The following UBE2J2 variants were observed in gnomAD, a reference collection of about 807,000 sequenced individuals.
The protein encoded by UBE2J2 is ubiquitin conjugating enzyme E2 J2, also known as ubiquitin-conjugating enzyme E2 J2.
UBE2J2 carries 5 observed loss-of-function variants against 28.6 expected under a neutral mutation model. The observed-to-expected ratio is 0.17, with a 90% CI of 0.09 to 0.37. The LOEUF (loss-of-function observed/expected upper bound fraction) is 0.37, where lower values mean the gene tolerates loss of function less well. Ranked by LOEUF, UBE2J2 falls within the 10% of genes least tolerant of loss-of-function variation. UBE2J2 has a pLI of 1.00. For synonymous variants in UBE2J2, 138 were observed against 139.7 expected, an observed-to-expected ratio of 0.99 and a Z score of 0.09; for missense variants, 226 against 338.9, an observed-to-expected ratio of 0.67 and a Z score of 2.62.
In UBE2J2 at chr1:1,255,158, G is replaced by A; in HGVS notation, c.*45C>T. The A allele has an allele frequency of 6.5e-7, 1 of 1,535,014 alleles. No homozygotes were observed. The highest frequency in any genetic ancestry group is 8.8e-7 in the Non-Finnish European group (1 of 1,135,610). On this transcript the variant is annotated 3_prime_UTR_variant, in exon 7 of 7. Coordinates refer to ENST00000349431, the MANE Select transcript of UBE2J2 (RefSeq NM_058167.3). ...TCCAGCCTGCCGAGGTCACGCTCTG[G>A]TGCGCGGTGCCCTCAGTGGCGCCTT... is the stretch of plus-strand genomic sequence containing the variant.
intron 2 of UBE2J2, among the ~76,000 whole-genome samples, chr1:1,264,183 C>A (rs1350387768): frequency 6.6e-6 from 1 of 152,146 alleles, no homozygotes; most frequent in African/African-American, 2.4e-5. Context: ...GCAGAAGGAA[C>A]AGGAACTGCC....
intron 1 of UBE2J2, among the ~76,000 whole-genome samples, chr1:1,270,599 T>C (rs1640099262): frequency 6.6e-6 from 1 of 152,118 alleles, no homozygotes; most frequent in African/African-American, 2.4e-5. Flanking sequence ...ATGTCATCAC[T>C]TCTCCCATCA....
intron 3 of UBE2J2, 110 bp downstream of exon 3, chr1:1,263,236 C>T (rs1639664601): frequency 2.0e-6 from 2 of 1,013,850 alleles, no homozygotes; most frequent in Non-Finnish European, 3.1e-6. Flanking sequence ...AACTAGCACA[C>T]ATCCAAAGTA....
At chr1:1,260,097 A>G (rs909493920) in intron 3 of UBE2J2, among the ~76,000 whole-genome samples, 2 of 152,164 alleles carry the variant, frequency 1.3e-5, no homozygotes, top group Admixed American at 6.5e-5. Flanking sequence ...CACTCTGCTC[A>G]GGGCTGGCAT....
intron 2 of UBE2J2, among the ~76,000 whole-genome samples, chr1:1,265,648 T>TGTGTGG (rs1491248047): frequency 2.7e-5 from 4 of 147,106 alleles, no homozygotes; most frequent in Non-Finnish European, 4.5e-5. Context: ...TGTGTGTGTG[T>TGTGTGG]GGTGGAGTCT....
rs892147381 is a variant in UBE2J2, at chr1:1,257,147, C to A, written c.276-17G>T. On this transcript the variant is annotated splice_polypyrimidine_tract_variant and intron_variant, in intron 4 of 6. Coordinates refer to ENST00000349431, the MANE Select transcript of UBE2J2 (RefSeq NM_058167.3). ...AGACACAGCCTGCAAAACGGGGGCC[C>A]CGTCAGTGCACACTCCCCACCGCAG... 2.5e-6 allele frequency: 4 copies of A among 1,608,468 alleles called. No individual in the cohort carries two copies. Among genetic ancestry groups the A allele is most frequent in the Non-Finnish European group, 3.4e-6 (4 of 1,176,868 alleles).
chr1:1,267,203 T>C (rs1188291392), intron 2 of UBE2J2, among the ~76,000 whole-genome samples: 1 of 152,146 alleles, frequency 6.6e-6, no homozygotes, highest in East Asian at 1.9e-4. Flanking sequence ...ACACTTTATT[T>C]CTTACCAAAT....
chr1:1,267,147 C>T (rs1389451975), intron 2 of UBE2J2, among the ~76,000 whole-genome samples: 1 of 152,138 alleles, frequency 6.6e-6, no homozygotes, highest in African/African-American at 2.4e-5. Context: ...CCTGAGCCTC[C>T]CAAAGTGCTG....
At chr1:1,258,579 C>A (rs1013383116) in intron 3 of UBE2J2, among the ~76,000 whole-genome samples, 18 of 152,194 alleles carry the variant, frequency 1.2e-4, no homozygotes, top group Admixed American at 1.2e-3. Context: ...TGCTCAGCCA[C>A]TTCCCCCACC....
chr1:1,270,286 C>G (rs1308967353), intron 1 of UBE2J2, among the ~76,000 whole-genome samples: 6 of 152,174 alleles, frequency 3.9e-5, no homozygotes, highest in African/African-American at 1.4e-4. Flanking sequence ...TCCTTTCAGT[C>G]TCCACCTGCA....
chr1:1,260,164 T>C (rs1481085417), intron 3 of UBE2J2, among the ~76,000 whole-genome samples: 1 of 152,106 alleles, frequency 6.6e-6, no homozygotes, highest in East Asian at 1.9e-4. Context: ...CATGAGCAAG[T>C]GCCACTGTCA....
intron 3 of UBE2J2, among the ~76,000 whole-genome samples, chr1:1,258,870 C>T (rs994096321): frequency 5.9e-5 from 9 of 152,280 alleles, no homozygotes; most frequent in Non-Finnish European, 1.2e-4. Flanking sequence ...GAGGCCCACA[C>T]GCTGGCTGCC....
chr1:1,269,265 G>A (rs1213181494), intron 1 of UBE2J2, among the ~76,000 whole-genome samples: 1 of 143,756 alleles, frequency 7.0e-6, no homozygotes, highest in Non-Finnish European at 1.5e-5. Context: ...CATCATGCAA[G>A]AGAGGAGGCT....
At chr1:1,271,480 A>C (rs539386514) in intron 1 of UBE2J2, 2 of 152,338 alleles carry the variant, frequency 1.3e-5, no homozygotes, top group East Asian at 3.9e-4. Flanking sequence ...ATTCCATCCA[A>C]TGAGTCACAA....
intron 3 of UBE2J2, among the ~76,000 whole-genome samples, chr1:1,259,995 C>T (rs1250880277): frequency 6.6e-6 from 1 of 152,220 alleles, no homozygotes. Context: ...TGCTCTCCCT[C>T]CCATAGATCC....
At chr1:1,263,220 C>CGT in intron 3 of UBE2J2, 126 bp downstream of exon 3, 1 of 881,376 alleles carries the variant, frequency 1.1e-6, no homozygotes, top group Admixed American at 1.9e-5. Flanking sequence ...CCAACTAAGC[C>CGT]AATTTAACTA....
intron 2 of UBE2J2, among the ~76,000 whole-genome samples, chr1:1,265,409 A>G (rs1311703623): frequency 2.0e-5 from 3 of 152,148 alleles, no homozygotes; most frequent in East Asian, 1.9e-4. Flanking sequence ...CCAGCCCCAT[A>G]AAGTCCCTGG....
At chr1:1,259,487 C>G (rs1200541582) in intron 3 of UBE2J2, among the ~76,000 whole-genome samples, 1 of 152,240 alleles carries the variant, frequency 6.6e-6, no homozygotes, top group African/African-American at 2.4e-5. Flanking sequence ...CTCTTCTGCT[C>G]TAGACCCACC....
chr1:1,256,643 G>T (rs1444027890), intron 5 of UBE2J2, among the ~76,000 whole-genome samples: 1 of 152,192 alleles, frequency 6.6e-6, no homozygotes, highest in African/African-American at 2.4e-5. Flanking sequence ...AGCACTTTGG[G>T]AGGCCCAGGC....
Sources: gnomAD v4.1 joint callset for allele counts (sites outside exome capture counted in the v4.1 genomes callset) on GRCh38, gnomAD v4.1.1 for gene constraint, MANE v1.5 for transcripts, NCBI Gene and HGNC (gene_info 2026-07-23, HGNC 2026-07-21) for gene names.